Variants in SPATA17 observed in about 807,000 individuals in gnomAD.
The protein encoded by SPATA17 is spermatogenesis associated 17, also known as spermatogenesis-associated protein 17.
Under a neutral mutation model 62.2 loss-of-function variants are expected in SPATA17, and 53 were observed. The ratio of observed to expected loss-of-function variants is 0.85; its 90% CI spans 0.68 to 1.07. The LOEUF is 1.07. Ranked by LOEUF, SPATA17 falls within the 50% of genes least tolerant of loss-of-function variation. The pLI, the probability that SPATA17 is intolerant of heterozygous loss-of-function variation, is 0.00. For missense variants in SPATA17, 466 were observed against 425.5 expected, an observed-to-expected ratio of 1.10 and a Z score of -0.84; for synonymous variants, 146 against 146.8, an observed-to-expected ratio of 0.99 and a Z score of 0.04.
chr1:217,863,023 T>G (rs1675928604), intron 10 of SPATA17, among the ~76,000 whole-genome samples, 167 bp downstream of exon 10: 1 of 152,012 alleles, frequency 6.6e-6, no homozygotes, highest in South Asian at 2.1e-4. Flanking sequence ...GTTTTCAACA[T>G]TTAAAAGATC....
At chr1:217,708,385 C>A (rs1671783145) in intron 5 of SPATA17, among the ~76,000 whole-genome samples, 1 of 151,908 alleles carries the variant, frequency 6.6e-6, no homozygotes, top group African/African-American at 2.4e-5. Context: ...TACTACTGAC[C>A]CCACAGAAAT....
chr1:217,850,569 G>A (rs1435084833), intron 9 of SPATA17: 2 of 1,595,574 alleles, frequency 1.3e-6, no homozygotes, highest in Non-Finnish European at 1.7e-6. Flanking sequence ...ATTTTCGATG[G>A]TGTCACTGGG....
intron 7 of SPATA17, among the ~76,000 whole-genome samples, chr1:217,775,740 T>C (rs1468307040): frequency 2.0e-5 from 3 of 152,094 alleles, no homozygotes; most frequent in African/African-American, 4.8e-5. Context: ...TCTATATATA[T>C]ATAGATTATT....
chr1:217,792,018 A>G (rs1674003925), intron 8 of SPATA17, among the ~76,000 whole-genome samples: 1 of 152,202 alleles, frequency 6.6e-6, no homozygotes, highest in South Asian at 2.1e-4. Context: ...AAGAAGAAGA[A>G]GAATTGTCTT....
intron 5 of SPATA17, among the ~76,000 whole-genome samples, chr1:217,721,384 G>A (rs1380395498): frequency 6.6e-6 from 1 of 152,082 alleles, no homozygotes; most frequent in Non-Finnish European, 1.5e-5. Context: ...TGTCTGCTGC[G>A]ATGTCATTGA....
intron 4 of SPATA17, among the ~76,000 whole-genome samples, chr1:217,676,557 C>A (rs1670950041): frequency 6.6e-6 from 1 of 152,092 alleles, no homozygotes; most frequent in Non-Finnish European, 1.5e-5. Context: ...TACTAGTCTT[C>A]AATAACCTAA....
rs116019869 is a variant in SPATA17, at chr1:217,656,981, G to A, written c.240+5803G>A. On this transcript the variant is annotated intron_variant, in intron 3 of 10. Coordinates refer to ENST00000366933, the MANE Select transcript of SPATA17 (RefSeq NM_138796.4). The stretch of plus-strand genomic sequence containing the variant: ...TATTGGGGATTTTTCTCCTTTACAC[G>A]GAGTTCCTGTGGGACTTAACTAGTG... Among the ~76,000 whole-genome samples, 1,188 of 152,206 alleles carry A rather than the reference G, an allele frequency of 7.8e-3. 12 individuals are homozygous for A. The highest frequency in any genetic ancestry group is 7.9e-3 in the Non-Finnish European group (537 of 68,010).
At chr1:217,797,258 T>C (rs2102985486) in intron 8 of SPATA17, among the ~76,000 whole-genome samples, 1 of 150,612 alleles carries the variant, frequency 6.6e-6, no homozygotes, top group Non-Finnish European at 1.5e-5. Flanking sequence ...TTTCTTTTTT[T>C]TTTTTTTTTG....
intron 6 of SPATA17, among the ~76,000 whole-genome samples, chr1:217,768,866 G>C (rs954598978): frequency 6.6e-6 from 1 of 152,018 alleles, no homozygotes; most frequent in Non-Finnish European, 1.5e-5. Flanking sequence ...CCTTTGATGT[G>C]TACCTCTTCA....
intron 5 of SPATA17, among the ~76,000 whole-genome samples, chr1:217,687,154 T>C (rs1323060713): frequency 1.3e-5 from 2 of 152,222 alleles, no homozygotes; most frequent in Non-Finnish European, 2.9e-5. Context: ...CATTACTCTC[T>C]TTACTGCTTT....
At chr1:217,831,314 T>C (rs1675133805) in intron 9 of SPATA17, among the ~76,000 whole-genome samples, 1 of 152,054 alleles carries the variant, frequency 6.6e-6, no homozygotes, top group Admixed American at 6.6e-5. Flanking sequence ...AATGTTGCCA[T>C]ATTACTCTTT....
chr1:217,830,166 C>T (rs534040455), intron 9 of SPATA17, among the ~76,000 whole-genome samples: 32 of 152,160 alleles, frequency 2.1e-4, no homozygotes, highest in Middle Eastern at 3.4e-3. Flanking sequence ...TTTATAGATT[C>T]ATCTCATATC....
intron 5 of SPATA17, among the ~76,000 whole-genome samples, chr1:217,722,310 A>G (rs1263464300): frequency 6.6e-6 from 1 of 152,194 alleles, no homozygotes; most frequent in Admixed American, 6.5e-5. Flanking sequence ...TGAAGTAGTA[A>G]TATTTAACAT....
intron 5 of SPATA17, among the ~76,000 whole-genome samples, chr1:217,723,730 C>T (rs1044695475): frequency 1.3e-5 from 2 of 152,180 alleles, no homozygotes; most frequent in Non-Finnish European, 2.9e-5. Context: ...TAAGACAAAA[C>T]AATAGGGCAG....
At chr1:217,820,409 G>A (rs922476215) in intron 9 of SPATA17, among the ~76,000 whole-genome samples, 2 of 151,974 alleles carry the variant, frequency 1.3e-5, no homozygotes, top group Middle Eastern at 6.3e-3. Context: ...CTACAAGAAT[G>A]GCAGTGGATT....
chr1:217,684,507 G>C (rs1439915541), intron 5 of SPATA17, among the ~76,000 whole-genome samples: 1 of 151,868 alleles, frequency 6.6e-6, no homozygotes, highest in East Asian at 1.9e-4. Flanking sequence ...CTCTGCTTCT[G>C]GGGTTCAAGT....
chr1:217,688,323 T>C (rs1192504411), intron 5 of SPATA17, among the ~76,000 whole-genome samples: 1 of 152,222 alleles, frequency 6.6e-6, no homozygotes, highest in East Asian at 1.9e-4. Flanking sequence ...TTCTGGAGGC[T>C]TCTTTCTACC....
At chr1:217,700,228 T>G (rs1671562624) in intron 5 of SPATA17, among the ~76,000 whole-genome samples, 1 of 152,242 alleles carries the variant, frequency 6.6e-6, no homozygotes, top group Non-Finnish European at 1.5e-5. Flanking sequence ...GGAATTTAAT[T>G]AAATCTGTAG....
At chr1:217,667,596 T>G (rs1256828279) in intron 3 of SPATA17, among the ~76,000 whole-genome samples, 1 of 152,160 alleles carries the variant, frequency 6.6e-6, no homozygotes, top group East Asian at 1.9e-4. Flanking sequence ...AGCCAGGAAT[T>G]GAACACAGGT....
Sources: allele counts gnomAD v4.1 joint callset (sites outside exome capture counted in the v4.1 genomes callset), GRCh38; gene constraint gnomAD v4.1.1; transcripts MANE v1.5; gene names NCBI Gene and HGNC (gene_info 2026-07-23, HGNC 2026-07-21).